The following TGFB1 variants were observed in gnomAD, a reference collection of about 807,000 sequenced individuals.
The protein encoded by TGFB1 is transforming growth factor beta-1 proprotein.
A neutral mutation model predicts 43.8 loss-of-function variants in TGFB1; 19 were observed. That is an observed-to-expected ratio of 0.43 (90% CI 0.30 to 0.64). The LOEUF is 0.64. Ranked by LOEUF, TGFB1 falls within the 30% of genes least tolerant of loss-of-function variation. The pLI, the probability that TGFB1 is intolerant of heterozygous loss-of-function variation, is 0.11. For missense variants in TGFB1, 445 were observed against 529.8 expected, an observed-to-expected ratio of 0.84 and a Z score of 1.57; for synonymous variants, 221 against 236.3, an observed-to-expected ratio of 0.94 and a Z score of 0.60.
chr19:41,344,174 G>A (rs990347623), intron 3 of TGFB1, among the ~76,000 whole-genome samples: 2 of 131,174 alleles, frequency 1.5e-5, no homozygotes, highest in African/African-American at 3.2e-5. Context: ...TGTAGAGACC[G>A]GGTTTCGCCA....
At chr19:41,348,582 TA>T in intron 1 of TGFB1, 127 bp from the exon 2 acceptor site, 1 of 243,938 alleles carries the variant, frequency 4.1e-6, no homozygotes, top group Non-Finnish European at 7.1e-6. Flanking sequence ...ACCTTTTATT[TA>T]TTTATTTATT....
At chr19:41,342,464 C>A (rs1269576247) in intron 3 of TGFB1, among the ~76,000 whole-genome samples, 2 of 147,724 alleles carry the variant, frequency 1.4e-5, no homozygotes, top group Non-Finnish European at 3.0e-5. Context: ...ATCCTCCCAT[C>A]TCAGCCTCCC....
intron 2 of TGFB1, 35 bp from the exon 3 acceptor site, chr19:41,344,899 G>T (rs201036538): frequency 3.9e-6 from 6 of 1,533,458 alleles, no homozygotes; most frequent in Non-Finnish European, 5.3e-6. Flanking sequence ...GAGACAGTGG[G>T]TAGATGGTGT....
intron 1 of TGFB1, among the ~76,000 whole-genome samples, chr19:41,349,495 G>A (rs1002734151): frequency 3.3e-5 from 5 of 152,200 alleles, no homozygotes; most frequent in Non-Finnish European, 7.3e-5. Flanking sequence ...AGTGGCTCAC[G>A]CCTGTAATCC....
In TGFB1 at chr19:41,352,896, C is replaced by G; in HGVS notation, c.149G>C (p.Arg50Pro). The change falls in exon 1 of 7, where the codon CGC (arginine) becomes CCC (proline). Residue 50 changes from arginine to proline, a missense_variant. Arg to Pro is a moderately radical substitution (Grantham distance 103). Transcript: ENST00000221930. ...CCGCAGCTTGGACAGGATCTGGCCG[C>G]GGATGGCCTCGATGCGCTTCCGCTT... is the stretch of plus-strand genomic sequence containing the variant. ...LVKRKRIEAI[R>P]GQILSKLRLA... The G allele has an allele frequency of 6.4e-7, 1 of 1,560,722 alleles. No individual in the cohort carries two copies. Among genetic ancestry groups the G allele is most frequent in the Non-Finnish European group, 8.7e-7 (1 of 1,153,680 alleles).
chr19:41,347,441 T>C (rs1396897969), intron 2 of TGFB1, among the ~76,000 whole-genome samples: 1 of 152,176 alleles, frequency 6.6e-6, no homozygotes, highest in African/African-American at 2.4e-5. Context: ...ATTCCAACTT[T>C]CAAGAATCCT....
Position 41,342,261 on chromosome 19 carries a change from G to A in TGFB1, c.635-14C>T, listed in dbSNP as rs1755114499. On this transcript the variant is annotated splice_polypyrimidine_tract_variant and intron_variant, in intron 3 of 6. Transcript: ENST00000221930. Reference sequence around the variant, plus strand: ...CCTCAATTTCCCCTGTAGGAGTGGCGAGAGGGAAGCCAGTCTGAGAGTGCA... The same window carrying A: ...CCTCAATTTCCCCTGTAGGAGTGGCAAGAGGGAAGCCAGTCTGAGAGTGCA... The A allele has an allele frequency of 3.2e-6, 5 of 1,582,746 alleles. No homozygotes were observed. Among genetic ancestry groups the A allele is most frequent in the African/African-American group, 2.7e-5 (2 of 74,114 alleles).
rs896150668 is a variant in TGFB1, at chr19:41,340,647, A to G, written c.860+1236T>C. On this transcript the variant is annotated intron_variant, in intron 5 of 6. Transcript: ENST00000221930. Reference sequence around the variant, plus strand: ...TCTAACATTCCAACACTGAGTTCCAACATGCTGAGATACCAATATTCTGCT... The same window carrying G: ...TCTAACATTCCAACACTGAGTTCCAGCATGCTGAGATACCAATATTCTGCT... Among the ~76,000 whole-genome samples the G allele has an allele frequency of 3.9e-5, 6 of 152,116 alleles. 1 individual carries two copies. The highest frequency in any genetic ancestry group is 4.1e-4 in the South Asian group (2 of 4,834).
At chr19:41,352,335 A>C (rs926539267) in intron 1 of TGFB1, among the ~76,000 whole-genome samples, 147 of 111,566 alleles carry the variant, frequency 1.3e-3, no homozygotes, top group Middle Eastern at 0.01. Context: ...TGCACCTGGC[A>C]CCCCACGACC....
intron 5 of TGFB1, among the ~76,000 whole-genome samples, chr19:41,339,333 G>T (rs1416642083): frequency 1.3e-5 from 2 of 151,848 alleles, no homozygotes; most frequent in African/African-American, 4.8e-5. Context: ...TGCACAAGCT[G>T]GTCTTGAACT....
chr19:41,330,956 A>C lies in TGFB1; in HGVS notation c.*96T>G. The stretch of plus-strand genomic sequence containing the variant: ...ATGGGGCCCCAGGTGGGCTTGGGGC[A>C]CGGGTGTCCTTAAATACAGCCCCCA... On this transcript the variant is annotated 3_prime_UTR_variant, in exon 7 of 7. Coordinates refer to ENST00000221930, the MANE Select transcript of TGFB1 (RefSeq NM_000660.7). 8.4e-7 allele frequency: 1 copy of C among 1,191,612 alleles called. No individual in the cohort carries two copies. Among genetic ancestry groups the C allele is most frequent in the East Asian group, 3.0e-5 (1 of 32,892 alleles). The allele number at this position is 1,191,612 out of a possible 1,614,324, so 73.8% of individuals were successfully genotyped here.
chr19:41,342,539 G>T (rs1231515723), intron 3 of TGFB1, among the ~76,000 whole-genome samples: 1 of 149,312 alleles, frequency 6.7e-6, no homozygotes, highest in African/African-American at 2.5e-5. Context: ...TTTTGAGATG[G>T]AGTCTGGCTC....
At position 41,353,205 on chromosome 19, in the gene TGFB1, G is replaced by A; in HGVS notation, c.-161C>T. On this transcript the variant is annotated 5_prime_UTR_variant, in exon 1 of 7. Transcript: ENST00000221930. The surrounding 1 kb of genome is among the most constrained non-coding windows in gnomAD (Gnocchi z 5.9). ...GAGAAGGGCGCAGTGGTGGAGGGGAGGCTTGGACCGGGGGTGTCTCAGTAT... is the reference window on the plus strand; with the variant it reads ...GAGAAGGGCGCAGTGGTGGAGGGGAAGCTTGGACCGGGGGTGTCTCAGTAT... The A allele has an allele frequency of 1.1e-6, 1 of 874,148 alleles. No homozygotes were observed. The highest frequency in any genetic ancestry group is 2.9e-5 in the East Asian group (1 of 34,092). 54.1% of individuals were successfully genotyped at this position (874,148 alleles called of 1,614,324 possible). A position where few individuals can be genotyped will look rare whatever the true frequency, so the allele number is the denominator to read the frequency against.
intron 3 of TGFB1, among the ~76,000 whole-genome samples, chr19:41,343,980 C>CTTTTTTTTTT (rs3061192): frequency 1.0e-5 from 1 of 98,638 alleles, no homozygotes; most frequent in Non-Finnish European, 1.9e-5. Flanking sequence ...TGCCTGGAAT[C>CTTTTTTTTTT]TTTTTTTTTT....
chr19:41,338,824 G>A (rs1196789292), intron 5 of TGFB1, among the ~76,000 whole-genome samples: 2 of 150,022 alleles, frequency 1.3e-5, no homozygotes, highest in African/African-American at 4.9e-5. Context: ...GAATGACAGA[G>A]ACTCTGTCTC....
chr19:41,339,514 A>G (rs976448353), intron 5 of TGFB1, among the ~76,000 whole-genome samples: 3 of 150,780 alleles, frequency 2.0e-5, no homozygotes, highest in Admixed American at 2.0e-4. Flanking sequence ...TAATGTCAGG[A>G]GCTGTTGGCA....
intron 5 of TGFB1, among the ~76,000 whole-genome samples, chr19:41,340,251 C>CTTTTTTT (rs3061188): frequency 4.0e-5 from 5 of 125,210 alleles, no homozygotes; most frequent in South Asian, 2.6e-4. Flanking sequence ...CACTTTCTTT[C>CTTTTTTT]TTTTTTTTTT....
intron 5 of TGFB1, among the ~76,000 whole-genome samples, chr19:41,333,301 C>T (rs2037956065): frequency 6.7e-6 from 1 of 148,796 alleles, no homozygotes; most frequent in Non-Finnish European, 1.5e-5. Flanking sequence ...CAACCTCCGC[C>T]TCCCAGGTTC....
chr19:41,339,094 G>T, intron 5 of TGFB1, among the ~76,000 whole-genome samples: 1 of 151,240 alleles, frequency 6.6e-6, no homozygotes, highest in Non-Finnish European at 1.5e-5. Context: ...AAAACTGTTA[G>T]GATCTACAGT....
Sources: allele counts gnomAD v4.1 joint callset (sites outside exome capture counted in the v4.1 genomes callset), GRCh38; gene constraint gnomAD v4.1.1; non-coding constraint Gnocchi (gnomAD v3.1); transcripts MANE v1.5; gene names NCBI Gene and HGNC (gene_info 2026-07-23, HGNC 2026-07-21).